KIDINS220: variants seen among roughly 807,000 people sequenced by gnomAD.
KIDINS220 encodes the protein kinase D-interacting substrate of 220 kDa.
Under a neutral mutation model 157.6 loss-of-function variants are expected in KIDINS220, and 63 were observed. That is an observed-to-expected ratio of 0.40 (90% CI 0.33 to 0.49). The LOEUF is 0.49. Among genes scored for constraint, KIDINS220 ranks in the 20% least tolerant of loss-of-function variants. KIDINS220 has a pLI of 0.66. For missense variants in KIDINS220, 1,772 were observed against 2,171.2 expected (o/e 0.82, Z 3.65); for synonymous variants, 732 against 783.6 (o/e 0.93, Z 1.10).
At chr2:8,829,796 C>T (rs1404473701) in intron 1 of KIDINS220, among the ~76,000 whole-genome samples, 1 of 152,024 alleles carries the variant, frequency 6.6e-6, no homozygotes, top group Non-Finnish European at 1.5e-5. Flanking sequence ...ATGCTTCTAT[C>T]ATTAGAAAGC....
chr2:8,747,306 A>C, intron 25 of KIDINS220, 105 bp from the exon 26 acceptor site: 8 of 970,154 alleles, frequency 8.2e-6, no homozygotes, highest in African/African-American at 3.2e-5. Flanking sequence ...ACTGAAACTC[A>C]ACAGTTTATG....
intron 21 of KIDINS220, among the ~76,000 whole-genome samples, chr2:8,773,240 A>G (rs145628756): frequency 1.8e-4 from 27 of 152,224 alleles, no homozygotes; most frequent in African/African-American, 6.0e-4. Context: ...TATAGTCAGA[A>G]TAATATTAGA....
At chr2:8,746,922 T>C (rs962056788) in intron 26 of KIDINS220, 4 of 481,916 alleles carry the variant, frequency 8.3e-6, no homozygotes, top group Middle Eastern at 5.5e-4. Context: ...ATCCCATGTA[T>C]TGAAAAAGGG....
chr2:8,737,108 A>G (rs1664987837), intron 26 of KIDINS220, 109 bp from the exon 27 acceptor site: 2 of 1,061,702 alleles, frequency 1.9e-6, no homozygotes, highest in Non-Finnish European at 2.7e-6. Context: ...AGTAAAGTAA[A>G]AAAAAACAAA....
intron 22 of KIDINS220, among the ~76,000 whole-genome samples, chr2:8,758,452 C>T: frequency 6.6e-6 from 1 of 152,200 alleles, no homozygotes; most frequent in Non-Finnish European, 1.5e-5. Context: ...GGATCTGCCT[C>T]TGAGCCTGGA....
chr2:8,779,590 C>A, intron 18 of KIDINS220, 84 bp downstream of exon 18: 1 of 1,430,504 alleles, frequency 7.0e-7, no homozygotes, highest in South Asian at 1.5e-5. Context: ...CAATTCCGTT[C>A]TATTTTTAGA....
chr2:8,755,333 A>C (rs1177627068), intron 22 of KIDINS220, among the ~76,000 whole-genome samples: 1 of 152,144 alleles, frequency 6.6e-6, no homozygotes. Context: ...TTCTTGCATA[A>C]TATGTATCAT....
At chr2:8,827,360 T>C (rs1226615168) in intron 1 of KIDINS220, among the ~76,000 whole-genome samples, 2 of 151,864 alleles carry the variant, frequency 1.3e-5, no homozygotes, top group Non-Finnish European at 2.9e-5. Flanking sequence ...TCCACATCCA[T>C]CCCCAAACCC....
rs1218910345 is a variant in KIDINS220 at position 8,730,238 on chromosome 2, C to A, written c.*482G>T. ...AACGCTGGATCTCGGTTTACTCAGCCTCTCCCTGTAGCGTCACAGGCTGTG... is the reference window on the plus strand; with the variant it reads ...AACGCTGGATCTCGGTTTACTCAGCATCTCCCTGTAGCGTCACAGGCTGTG... On this transcript the variant is annotated 3_prime_UTR_variant, in exon 30 of 30. Coordinates refer to ENST00000256707, the MANE Select transcript of KIDINS220 (RefSeq NM_020738.4). 1.0e-6 allele frequency: 1 copy of A among 987,722 alleles called. No homozygotes were observed. Among genetic ancestry groups the A allele is most frequent in the Admixed American group, 6.1e-5 (1 of 16,446 alleles). 61.2% of individuals were successfully genotyped at this position (987,722 alleles called of 1,614,324 possible). A position where few individuals can be genotyped will look rare whatever the true frequency, so the allele number is the denominator to read the frequency against.
At chr2:8,734,079 C>T (rs980979490) in intron 28 of KIDINS220, among the ~76,000 whole-genome samples, 1 of 151,764 alleles carries the variant, frequency 6.6e-6, no homozygotes, top group Non-Finnish European at 1.5e-5. Context: ...GAGTCCAACT[C>T]GGAATAAGCA....
intron 7 of KIDINS220, among the ~76,000 whole-genome samples, chr2:8,804,233 G>A (rs1452901188): frequency 6.6e-6 from 1 of 152,200 alleles, no homozygotes; most frequent in Non-Finnish European, 1.5e-5. Context: ...GGTTGATAGT[G>A]TGCCAAAAAG....
chr2:8,824,658 C>T (rs191282757), intron 2 of KIDINS220, among the ~76,000 whole-genome samples: 3 of 152,202 alleles, frequency 2.0e-5, no homozygotes, highest in Admixed American at 6.5e-5. Flanking sequence ...CCAGGCTGGG[C>T]AATGGAGTGA....
At chr2:8,759,377 A>G (rs544570596) in intron 22 of KIDINS220, among the ~76,000 whole-genome samples, 6 of 152,174 alleles carry the variant, frequency 3.9e-5, no homozygotes, top group Non-Finnish European at 8.8e-5. Flanking sequence ...GACATTAAAC[A>G]AAAACTATTT....
chr2:8,728,397 G>A (rs1663560249), downstream of KIDINS220, among the ~76,000 whole-genome samples: 3 of 152,126 alleles, frequency 2.0e-5, no homozygotes, highest in Non-Finnish European at 4.4e-5. Context: ...AGAATCTAAG[G>A]GCAAGATTAG....
Position 8,750,225 on chromosome 2 carries a change from C to T in KIDINS220, c.3301G>A (p.Val1101Met), listed in dbSNP as rs561743411. 1.1e-4 allele frequency: 172 copies of T among 1,614,160 alleles called. 1 individual carries two copies. The East Asian group carries it at 2.2e-3, about 21-fold the overall frequency. ...APSGYSQPPSVCSSTSFNGPF... is the reference protein window; with the variant it reads ...APSGYSQPPSMCSSTSFNGPF... ...CCATTGAAGGACGTGGAAGAGCACA[C>T]GGATGGGGGCTGGCTGTACCCTGAT... The change falls in exon 24 of 30, where the codon GTG becomes ATG. Residue 1101 changes from valine to methionine, a missense_variant. Around this residue, in one of 3 missense-constraint regions of KIDINS220, gnomAD observed 793 missense variants for 885.5 expected, o/e 0.90. Coordinates refer to ENST00000256707, the MANE Select transcript of KIDINS220 (RefSeq NM_020738.4).
At chr2:8,836,851 TA>T (rs1680487001) in intron 1 of KIDINS220, among the ~76,000 whole-genome samples, 1 of 152,146 alleles carries the variant, frequency 6.6e-6, no homozygotes, top group Admixed American at 6.5e-5. Flanking sequence ...TAGTTATTCA[TA>T]AAAAAATTTT....
intron 6 of KIDINS220, 89 bp downstream of exon 6, chr2:8,812,306 G>C (rs1248462237): frequency 3.8e-6 from 2 of 526,452 alleles, no homozygotes; most frequent in Non-Finnish European, 6.6e-6. Flanking sequence ...CATTAGAGAA[G>C]CCTCATGAAA....
chr2:8,758,248 T>A lies in KIDINS220; in HGVS notation c.3012-6604A>T, dbSNP rs577374796. 3.9e-5 allele frequency among the ~76,000 whole-genome samples: 6 copies of A among 152,336 alleles called. No individual in the cohort carries two copies. The East Asian group carries it at 1.2e-3, about 29-fold the overall frequency. On this transcript the variant is annotated intron_variant, in intron 22 of 29. Transcript: ENST00000256707. ...TGACTTTTCCAACCTGTAATCTGCA[T>A]AAAATTGTGGTTTTTCCTGTCTATG...
intron 12 of KIDINS220, among the ~76,000 whole-genome samples, chr2:8,791,829 T>G (rs1200088851): frequency 2.0e-5 from 3 of 152,142 alleles, no homozygotes; most frequent in Non-Finnish European, 4.4e-5. Context: ...AAGGCAGTTC[T>G]AATTAAAATC....
Sources: allele counts gnomAD v4.1 joint callset (sites outside exome capture counted in the v4.1 genomes callset), GRCh38; gene constraint gnomAD v4.1.1; regional missense constraint gnomAD v4.1.1; transcripts MANE v1.5; gene names NCBI Gene and HGNC (gene_info 2026-07-23, HGNC 2026-07-21).